The following GRIN2B variants were observed in gnomAD, a reference collection of about 807,000 sequenced individuals.
The protein encoded by GRIN2B is glutamate receptor ionotropic, NMDA 2B.
Under a neutral mutation model 114.5 loss-of-function variants are expected in GRIN2B, and 5 were observed. The observed-to-expected ratio is 0.04, with a 90% CI of 0.02 to 0.09. The LOEUF (loss-of-function observed/expected upper bound fraction) is 0.09. GRIN2B is among the 10% of genes least tolerant of loss of function. The probability of loss-of-function intolerance (pLI) is 1.00; values close to 1 mark genes in which losing one functional copy is unlikely to be tolerated. For synonymous variants in GRIN2B, 787 were observed against 745.1 expected, an observed-to-expected ratio of 1.06 and a Z score of -0.92; for missense variants, 1,108 against 1,943.5, an observed-to-expected ratio of 0.57 and a Z score of 8.08.
At chr12:13,865,615 A>G (rs1865813780) in intron 3 of GRIN2B, among the ~76,000 whole-genome samples, 183 bp downstream of exon 3, 1 of 152,116 alleles carries the variant, frequency 6.6e-6, no homozygotes, top group Non-Finnish European at 1.5e-5. Flanking sequence ...CTGGCTGACA[A>G]GAGCAAAACT....
intron 8 of GRIN2B, 97 bp from the exon 9 acceptor site, chr12:13,611,947 A>G: frequency 1.6e-6 from 2 of 1,235,644 alleles, no homozygotes; most frequent in East Asian, 2.3e-5. Flanking sequence ...GGGGTGGGGA[A>G]CAAACCACAA....
chr12:13,722,142 G>A (rs1344663157), intron 4 of GRIN2B, among the ~76,000 whole-genome samples: 1 of 152,106 alleles, frequency 6.6e-6, no homozygotes, highest in East Asian at 1.9e-4. Context: ...TAAGGAGGGT[G>A]AAAGAGGTGA....
At position 13,545,752 on chromosome 12, in the gene GRIN2B, G is replaced by C. The variant is rs994374518; in HGVS notation, c.*17031C>G. The C allele has an allele frequency of 6.6e-6, 1 of 152,002 alleles. No homozygotes were observed. The highest frequency in any genetic ancestry group is 1.5e-5 in the Non-Finnish European group (1 of 68,016). 9.4% of individuals were successfully genotyped at this position (152,002 alleles called of 1,614,324 possible). ...GCACTTTGTCCCTCCTCTCCCCTGCGGCCTAACTCCCAAATCCCCTTCAGC... is the reference window on the plus strand; with the variant it reads ...GCACTTTGTCCCTCCTCTCCCCTGCCGCCTAACTCCCAAATCCCCTTCAGC... On this transcript the variant is annotated 3_prime_UTR_variant, in exon 14 of 14. Coordinates refer to ENST00000609686, the MANE Select transcript of GRIN2B (RefSeq NM_000834.5).
intron 10 of GRIN2B, among the ~76,000 whole-genome samples, chr12:13,607,820 G>T (rs985390841): frequency 6.6e-6 from 1 of 151,938 alleles, no homozygotes; most frequent in African/African-American, 2.4e-5. Context: ...AATTATTTTG[G>T]CCATAAGCTT....
intron 10 of GRIN2B, among the ~76,000 whole-genome samples, chr12:13,593,521 C>G (rs928587449): frequency 6.6e-6 from 1 of 152,168 alleles, no homozygotes; most frequent in African/African-American, 2.4e-5. Flanking sequence ...GGATCCCTTC[C>G]TTACACCTTA....
chr12:13,772,840 T>C (rs1042459917), intron 3 of GRIN2B, among the ~76,000 whole-genome samples: 4 of 152,112 alleles, frequency 2.6e-5, no homozygotes, highest in Admixed American at 2.6e-4. Context: ...ATAATCACAC[T>C]TTCCATTGCT....
At chr12:13,891,235 TC>T (rs1045291741) in intron 2 of GRIN2B, among the ~76,000 whole-genome samples, 6 of 152,222 alleles carry the variant, frequency 3.9e-5, no homozygotes, top group African/African-American at 1.4e-4. Context: ...ATCTGTGTTT[TC>T]TGCCAAGACT....
intron 3 of GRIN2B, among the ~76,000 whole-genome samples, chr12:13,811,024 T>C (rs1209879604): frequency 6.6e-6 from 1 of 152,230 alleles, no homozygotes; most frequent in African/African-American, 2.4e-5. Flanking sequence ...GAAAGATTAA[T>C]TTATTAGGTC....
intron 3 of GRIN2B, among the ~76,000 whole-genome samples, chr12:13,788,018 C>T (rs141139799): frequency 2.0e-5 from 3 of 152,172 alleles, no homozygotes; most frequent in Admixed American, 6.5e-5. Flanking sequence ...ATGGAGCCCT[C>T]GTGAACCTTA....
chr12:13,691,818 T>C (rs1950217241), intron 4 of GRIN2B, among the ~76,000 whole-genome samples: 1 of 152,090 alleles, frequency 6.6e-6, no homozygotes, highest in Non-Finnish European at 1.5e-5. Context: ...TACAGAGAAC[T>C]GCCAAAATAA....
At chr12:13,937,608 C>T (rs1470912976) in intron 2 of GRIN2B, among the ~76,000 whole-genome samples, 3 of 151,928 alleles carry the variant, frequency 2.0e-5, no homozygotes, top group African/African-American at 2.4e-5. Flanking sequence ...GAACAGCCTT[C>T]GGGCTGAAGG....
chr12:13,763,525 C>G (rs769172294), intron 3 of GRIN2B, among the ~76,000 whole-genome samples: 5 of 152,192 alleles, frequency 3.3e-5, no homozygotes, highest in African/African-American at 1.2e-4. Flanking sequence ...GCTTCCTGTA[C>G]CTACAGATGC....
intron 5 of GRIN2B, among the ~76,000 whole-genome samples, chr12:13,626,899 A>G (rs1289289994): frequency 2.8e-5 from 4 of 143,524 alleles, no homozygotes; most frequent in African/African-American, 1.0e-4. Flanking sequence ...CACCCATGTG[A>G]TCCTGTGGAG....
At chr12:13,620,859 A>T (rs1049974865) in intron 5 of GRIN2B, among the ~76,000 whole-genome samples, 1 of 140,940 alleles carries the variant, frequency 7.1e-6, no homozygotes, top group East Asian at 2.0e-4. Context: ...CTTGCCTTAA[A>T]GTCGTTATTT....
At chr12:13,781,973 A>G (rs1864124008) in intron 3 of GRIN2B, among the ~76,000 whole-genome samples, 1 of 152,202 alleles carries the variant, frequency 6.6e-6, no homozygotes, top group African/African-American at 2.4e-5. Flanking sequence ...TGATAACATG[A>G]ATGTGAGGTC....
chr12:13,703,816 A>G (rs918457069), intron 4 of GRIN2B, among the ~76,000 whole-genome samples: 3 of 152,300 alleles, frequency 2.0e-5, no homozygotes, highest in Non-Finnish European at 4.4e-5. Context: ...TTTATTCCCA[A>G]CTGCCTCTTC....
At chr12:13,972,745 G>C (rs904871771) in intron 2 of GRIN2B, among the ~76,000 whole-genome samples, 2 of 152,212 alleles carry the variant, frequency 1.3e-5, no homozygotes. Flanking sequence ...AGGAGGACAC[G>C]TAACCTCCAA....
chr12:13,818,228 T>C (rs370914276), intron 3 of GRIN2B, among the ~76,000 whole-genome samples: 1 of 152,162 alleles, frequency 6.6e-6, no homozygotes, highest in South Asian at 2.1e-4. Flanking sequence ...ATCGTCCCAC[T>C]CCCTTTATTT....
chr12:13,924,218 A>T (rs1342832711), intron 2 of GRIN2B, among the ~76,000 whole-genome samples: 1 of 152,206 alleles, frequency 6.6e-6, no homozygotes. Context: ...TATGGATAAG[A>T]TATCTAGGAT....
Sources: allele counts gnomAD v4.1 joint callset (sites outside exome capture counted in the v4.1 genomes callset), GRCh38; gene constraint gnomAD v4.1.1; transcripts MANE v1.5; gene names NCBI Gene and HGNC (gene_info 2026-07-23, HGNC 2026-07-21).